The following SCN9A variants were observed in gnomAD, a reference collection of about 807,000 sequenced individuals.
The protein encoded by SCN9A is sodium channel protein type 9 subunit alpha.
A neutral mutation model predicts 187.0 loss-of-function variants in SCN9A; 131 were observed. That is an observed-to-expected ratio of 0.70 (90% CI 0.61 to 0.81). The LOEUF is 0.81. Ranked by LOEUF, SCN9A falls within the 30% of genes least tolerant of loss-of-function variation. SCN9A has a pLI of 0.00. For missense variants in SCN9A, 2,252 were observed against 2,396.6 expected (o/e 0.94, Z 1.26); for synonymous variants, 809 against 808.6 (o/e 1.00, Z -0.01).
At chr2:166,292,801 G>T (rs956173976) in intron 9 of SCN9A, among the ~76,000 whole-genome samples, 1 of 152,138 alleles carries the variant, frequency 6.6e-6, no homozygotes, top group Non-Finnish European at 1.5e-5. Flanking sequence ...GAAAAACTTA[G>T]AGAAATGAAT....
At chr2:166,264,066 CTT>C (rs1696630059) in intron 17 of SCN9A, among the ~76,000 whole-genome samples, 1 of 151,958 alleles carries the variant, frequency 6.6e-6, no homozygotes, top group African/African-American at 2.4e-5. Context: ...AGCTCACAAT[CTT>C]ATATATCTAG....
chr2:166,275,349 C>T (rs979645300), intron 16 of SCN9A, among the ~76,000 whole-genome samples: 19 of 151,886 alleles, frequency 1.3e-4, no homozygotes, highest in Non-Finnish European at 2.2e-4. Flanking sequence ...CTTTGGGAGG[C>T]GACGGAGGCT....
intron 1 of SCN9A, among the ~76,000 whole-genome samples, chr2:166,332,099 G>A (rs750864433): frequency 2.6e-5 from 4 of 152,058 alleles, no homozygotes; most frequent in Non-Finnish European, 5.9e-5. Flanking sequence ...TATTCAAATG[G>A]ATTCTGTTGC....
intron 10 of SCN9A, 63 bp downstream of exon 10, chr2:166,288,374 A>G: frequency 7.7e-7 from 1 of 1,304,318 alleles, no homozygotes; most frequent in East Asian, 2.3e-5. Context: ...TATACCGCAG[A>G]GCCTCTGTTG....
chr2:166,307,142 AG>A, intron 2 of SCN9A, 68 bp from the exon 3 acceptor site: 1 of 899,744 alleles, frequency 1.1e-6, no homozygotes, highest in South Asian at 1.5e-5. Flanking sequence ...CAATATCAGC[AG>A]TTTACCTTTC....
intron 10 of SCN9A, 23 bp from the exon 11 acceptor site, chr2:166,286,646 A>G: frequency 3.4e-6 from 5 of 1,485,166 alleles, no homozygotes; most frequent in Non-Finnish European, 4.5e-6. Context: ...AGACGTTAAC[A>G]CTTAAATGAG....
chr2:166,220,683 C>A (rs1694545717), intron 24 of SCN9A, among the ~76,000 whole-genome samples: 1 of 152,104 alleles, frequency 6.6e-6, no homozygotes. Context: ...ATAACAAAGA[C>A]TACTTGAAAA....
rs139206973 is a variant in SCN9A, at chr2:166,240,798, C to A, written c.3627+1704G>T. Among the ~76,000 whole-genome samples, 202 of 152,270 alleles carry A rather than the reference C, an allele frequency of 1.3e-3. 1 individual carries two copies. The highest frequency in any genetic ancestry group is 4.5e-3 in the African/African-American group (186 of 41,554). On this transcript the variant is annotated intron_variant, in intron 19 of 26. Transcript: ENST00000642356. ...TGCCTGCTCCTTACCTAGGACATTC[C>A]TCAGGGTTGTGTTTGCAGTGAGCAA...
chr2:166,263,373 C>T (rs1463234119), intron 17 of SCN9A, among the ~76,000 whole-genome samples: 4 of 151,936 alleles, frequency 2.6e-5, no homozygotes, highest in South Asian at 2.1e-4. Flanking sequence ...TACACAATCC[C>T]GTGATTAATG....
At chr2:166,265,942 C>T (rs1382104667) in intron 17 of SCN9A, among the ~76,000 whole-genome samples, 3 of 151,632 alleles carry the variant, frequency 2.0e-5, no homozygotes, top group Non-Finnish European at 4.4e-5. Flanking sequence ...GTTTGAGTTC[C>T]TTGTATGTTT....
At chr2:166,229,939 T>C (rs147816538) in intron 21 of SCN9A, among the ~76,000 whole-genome samples, 333 of 152,320 alleles carry the variant, frequency 2.2e-3, no homozygotes, top group Non-Finnish European at 3.4e-3. Context: ...AAGATTAACC[T>C]GTTAGGGAAG....
chr2:166,332,002 T>G (rs183883370), intron 1 of SCN9A, among the ~76,000 whole-genome samples: 20 of 152,286 alleles, frequency 1.3e-4, no homozygotes, highest in Admixed American at 4.6e-4. Context: ...CCTTGACACC[T>G]GCCGTGGAAA....
At chr2:166,223,370 G>A (rs893755254) in intron 24 of SCN9A, among the ~76,000 whole-genome samples, 6 of 152,054 alleles carry the variant, frequency 3.9e-5, no homozygotes, top group African/African-American at 1.5e-4. Flanking sequence ...GCGTGTGCAC[G>A]TACACACACA....
intron 24 of SCN9A, among the ~76,000 whole-genome samples, chr2:166,223,759 A>C (rs1694726017): frequency 6.6e-6 from 1 of 152,168 alleles, no homozygotes. Flanking sequence ...AAAATTAGGA[A>C]AGGCAAAGAA....
intron 2 of SCN9A, among the ~76,000 whole-genome samples, chr2:166,307,934 A>T (rs1245028314): frequency 2.0e-5 from 3 of 152,186 alleles, no homozygotes; most frequent in Non-Finnish European, 4.4e-5. Flanking sequence ...AAAGACACTG[A>T]CTTTCTAAAT....
At chr2:166,282,152 T>G (rs1697518220) in intron 12 of SCN9A, among the ~76,000 whole-genome samples, 1 of 152,238 alleles carries the variant, frequency 6.6e-6, no homozygotes, top group Non-Finnish European at 1.5e-5. Flanking sequence ...TTTATTCAGA[T>G]AGTTTGTCAT....
intron 26 of SCN9A, among the ~76,000 whole-genome samples, chr2:166,201,238 A>G (rs1693499609): frequency 6.7e-6 from 1 of 148,420 alleles, no homozygotes. Flanking sequence ...TATACTATAT[A>G]CAGTATATAG....
chr2:166,292,662 G>A (rs1319330247), intron 9 of SCN9A, among the ~76,000 whole-genome samples: 1 of 151,996 alleles, frequency 6.6e-6, no homozygotes, highest in African/African-American at 2.4e-5. Context: ...AGCCCCAAGA[G>A]GTTCACATTC....
chr2:166,335,120 A>G (rs905516164), intron 1 of SCN9A, among the ~76,000 whole-genome samples: 4 of 152,174 alleles, frequency 2.6e-5, no homozygotes, highest in Non-Finnish European at 2.9e-5. Context: ...CACAAAACTT[A>G]CTTGCATTTT....
Sources: allele counts gnomAD v4.1 joint callset (sites outside exome capture counted in the v4.1 genomes callset), GRCh38; gene constraint gnomAD v4.1.1; transcripts MANE v1.5; gene names NCBI Gene and HGNC (gene_info 2026-07-23, HGNC 2026-07-21).